Variants in BCAP31 observed in about 807,000 individuals in gnomAD.
BCAP31 encodes B cell receptor associated protein 31.
For missense variants in BCAP31, 124 were observed against 193.0 expected (o/e 0.64, Z 2.12); for synonymous variants, 75 against 80.9 (o/e 0.93, Z 0.39).
At position 153,700,782 on chromosome X, in the gene BCAP31, G is replaced by C; in HGVS notation, c.*155C>G. On this transcript the variant is annotated 3_prime_UTR_variant, in exon 8 of 8. Coordinates refer to ENST00000345046, the MANE Select transcript of BCAP31 (RefSeq NM_001256447.2). ...CCCTGTAATGTGCTTGGAGAGTGTG[G>C]ACAAGGGCCGAGATGACGAGCTATG... The C allele has an allele frequency of 2.0e-6, 1 of 508,286 alleles. No individual in the cohort carries two copies. The highest frequency in any genetic ancestry group is 3.3e-6 in the Non-Finnish European group (1 of 303,080). 41.9% of individuals were successfully genotyped at this position (508,286 alleles called of 1,213,427 possible).
At chrX:153,724,051 G>C (rs1409176942) in intron 1 of BCAP31, 4 of 332,939 alleles carry the variant, frequency 1.2e-5, no homozygotes, top group Non-Finnish European at 2.3e-5. Flanking sequence ...CACCCAGAGC[G>C]AGGGGCCTCC....
intron 2 of BCAP31, among the ~76,000 whole-genome samples, chrX:153,722,863 G>C (rs1300918712): frequency 9.1e-6 from 1 of 110,377 alleles, no homozygotes; most frequent in Non-Finnish European, 1.9e-5. Context: ...AAGAGTGGGT[G>C]GGAGGGCATC....
intron 7 of BCAP31, 144 bp downstream of exon 7, chrX:153,701,863 C>A (rs1423064693): frequency 1.9e-6 from 1 of 514,817 alleles, no homozygotes; most frequent in African/African-American, 2.4e-5. Flanking sequence ...AAGGGTCCCA[C>A]TCAGTAGGGC....
chrX:153,716,966 A>C (rs782137614), intron 3 of BCAP31, among the ~76,000 whole-genome samples: 2 of 110,351 alleles, frequency 1.8e-5, no homozygotes, highest in Admixed American at 1.9e-4. Context: ...CCCATAACAT[A>C]ATCACATCTA....
At chrX:153,709,724 A>G (rs1330007227) in intron 4 of BCAP31, among the ~76,000 whole-genome samples, 1 of 113,149 alleles carries the variant, frequency 8.8e-6, no homozygotes, top group Non-Finnish European at 1.9e-5. Flanking sequence ...TTGGCTAAAA[A>G]GCCCAACAAG....
Position 153,724,008 on chromosome X carries a change from G to T in BCAP31, c.-45+326C>A, listed in dbSNP as rs192772580. ...GACGCAGTATCCTCAGAAGCCAGGGGTCCTTACAGTAGCCCTCGCGGGCCC... is the reference window on the plus strand; with the variant it reads ...GACGCAGTATCCTCAGAAGCCAGGGTTCCTTACAGTAGCCCTCGCGGGCCC... On this transcript the variant is annotated intron_variant, in intron 1 of 7. Transcript: ENST00000345046. The T allele has an allele frequency of 0.013, 4,597 of 364,539 alleles. 24 individuals are homozygous for T. Among genetic ancestry groups the T allele is most frequent in the Non-Finnish European group, 0.018 (3,475 of 192,979 alleles). 30.0% of individuals were successfully genotyped at this position (364,539 alleles called of 1,213,427 possible).
intron 3 of BCAP31, among the ~76,000 whole-genome samples, chrX:153,716,620 C>CT: frequency 9.3e-6 from 1 of 107,072 alleles, no homozygotes; most frequent in African/African-American, 3.4e-5. Context: ...AATAGCTGGG[C>CT]ATGGTGCTGC....
At chrX:153,706,305 C>T (rs1206230565) in intron 4 of BCAP31, among the ~76,000 whole-genome samples, 4 of 111,802 alleles carry the variant, frequency 3.6e-5, no homozygotes, top group African/African-American at 1.3e-4. Flanking sequence ...CATTCTCCCC[C>T]CAGGAACCTC....
intron 4 of BCAP31, among the ~76,000 whole-genome samples, chrX:153,706,421 G>C (rs2091555431): frequency 8.9e-6 from 1 of 112,309 alleles, no homozygotes; most frequent in Non-Finnish European, 1.9e-5. Flanking sequence ...TTCCAAGCCA[G>C]CAGCAGGGCC....
chrX:153,723,899 G>A (rs2091687921), intron 1 of BCAP31: 1 of 509,830 alleles, frequency 2.0e-6, no homozygotes. Flanking sequence ...CCGCAAGAGC[G>A]ACTCCTAGAG....
chrX:153,717,125 A>T (rs571841243), intron 3 of BCAP31, among the ~76,000 whole-genome samples: 2 of 112,386 alleles, frequency 1.8e-5, no homozygotes, highest in Non-Finnish European at 3.8e-5. Context: ...TACAAACTTC[A>T]TAAGAGCAGA....
chrX:153,702,678 T>G (rs781824083), intron 6 of BCAP31, among the ~76,000 whole-genome samples: 2 of 112,508 alleles, frequency 1.8e-5, no homozygotes, highest in Non-Finnish European at 3.8e-5. Context: ...ACTGCTCTAG[T>G]GCAGGGCAAT....
rs190705323 is a variant in BCAP31 at position 153,721,584 on chromosome X, C to G, written c.93-612G>C. 1.3e-3 allele frequency among the ~76,000 whole-genome samples: 133 copies of G among 101,051 alleles called. 1 individual carries two copies. Among genetic ancestry groups the G allele is most frequent in the African/African-American group, 4.5e-3 (124 of 27,518 alleles). The allele number at this position is 101,051 out of a possible 115,157, so 87.8% of individuals were successfully genotyped here. A position where few individuals can be genotyped will look rare whatever the true frequency, so the allele number is the denominator to read the frequency against. On this transcript the variant is annotated intron_variant, in intron 2 of 7. Transcript: ENST00000345046. ...AAGCCACCGCGCCCAGCCTGGAAAA[C>G]TAATCTTAAACGTGGGCAGTTGGCT...
At chrX:153,713,076 G>A (rs1048654377) in intron 4 of BCAP31, among the ~76,000 whole-genome samples, 7 of 111,105 alleles carry the variant, frequency 6.3e-5, no homozygotes, top group African/African-American at 1.6e-4. Context: ...GCATGGTGGC[G>A]GGCGCCTGTA....
chrX:153,720,398 C>G (rs2091656815), intron 3 of BCAP31, among the ~76,000 whole-genome samples: 1 of 107,653 alleles, frequency 9.3e-6, no homozygotes, highest in Non-Finnish European at 1.9e-5. Context: ...GAGTCTCCCT[C>G]TTGTTGCCCA....
intron 7 of BCAP31, among the ~76,000 whole-genome samples, chrX:153,701,515 T>G (rs1258472126): frequency 8.9e-6 from 1 of 112,785 alleles, no homozygotes; most frequent in East Asian, 2.8e-4. Context: ...AGATGCGGCC[T>G]GGTGCACCCA....
At chrX:153,714,950 T>C (rs782000694) in intron 4 of BCAP31, among the ~76,000 whole-genome samples, 12 of 111,464 alleles carry the variant, frequency 1.1e-4, no homozygotes, top group South Asian at 3.8e-4. Flanking sequence ...CAGGCTCAAA[T>C]AGGCACTTCG....
chrX:153,710,426 C>T (rs868943526), intron 4 of BCAP31, among the ~76,000 whole-genome samples: 1 of 111,465 alleles, frequency 9.0e-6, no homozygotes, highest in African/African-American at 3.3e-5. Context: ...CTACTTGACA[C>T]CGTGAAAGCG....
intron 4 of BCAP31, among the ~76,000 whole-genome samples, chrX:153,708,518 GC>G (rs2091569191): frequency 8.9e-6 from 1 of 112,846 alleles, no homozygotes; most frequent in Admixed American, 9.3e-5. Flanking sequence ...TCACTCCTCA[GC>G]CCCCAGCCGG....
Sources: allele counts gnomAD v4.1 joint callset (sites outside exome capture counted in the v4.1 genomes callset), GRCh38; gene constraint gnomAD v4.1.1; transcripts MANE v1.5; gene names NCBI Gene and HGNC (gene_info 2026-07-23, HGNC 2026-07-21).